The following DLG2 variants were observed in gnomAD, a reference collection of about 807,000 sequenced individuals.
The protein encoded by DLG2 is disks large homolog 2.
A neutral mutation model predicts 132.5 loss-of-function variants in DLG2; 45 were observed. The ratio of observed to expected loss-of-function variants is 0.34; its 90% CI spans 0.27 to 0.44. The LOEUF (loss-of-function observed/expected upper bound fraction) is 0.44, where lower values mean the gene tolerates loss of function less well. DLG2 is among the 20% of genes least tolerant of loss of function. DLG2 has a pLI of 1.00. For missense variants in DLG2, 1,045 were observed against 1,196.9 expected (o/e 0.87, Z 1.87); for synonymous variants, 424 against 419.6 (o/e 1.01, Z -0.13).
rs535520810 is a variant in DLG2, at chr11:84,948,580, T to A, written c.357+163081A>T. Among the ~76,000 whole-genome samples, 198 of 152,376 alleles carry A rather than the reference T, an allele frequency of 1.3e-3. 1 individual carries two copies. The highest frequency in any genetic ancestry group is 3.4e-3 in the Middle Eastern group (1 of 294). On this transcript the variant is annotated intron_variant, in intron 6 of 27. Transcript: ENST00000376104. ...TTTATGCAAATGCATGGATTTTCCC[T>A]GAAGAACAGCACATTTTATCATACA... is the stretch of plus-strand genomic sequence containing the variant.
chr11:84,542,898 C>G (rs2099379985), intron 6 of DLG2, among the ~76,000 whole-genome samples: 1 of 131,330 alleles, frequency 7.6e-6, no homozygotes, highest in Admixed American at 7.5e-5. Flanking sequence ...TGTTTAAACA[C>G]TTTGACATTT....
At chr11:84,122,559 C>A (rs554687943) in intron 9 of DLG2, among the ~76,000 whole-genome samples, 26 of 141,344 alleles carry the variant, frequency 1.8e-4, no homozygotes, top group African/African-American at 6.1e-4. Context: ...TACTTTTGAA[C>A]TTCCATGCTC....
At chr11:84,999,644 T>C (rs1029127990) in intron 6 of DLG2, among the ~76,000 whole-genome samples, 7 of 152,176 alleles carry the variant, frequency 4.6e-5, no homozygotes, top group African/African-American at 1.7e-4. Context: ...TTTGTGGTTT[T>C]TAAAAGCTTC....
intron 7 of DLG2, among the ~76,000 whole-genome samples, chr11:84,386,848 G>C (rs113822346): frequency 0.012 from 1,876 of 152,040 alleles, 23 homozygotes; most frequent in Non-Finnish European, 0.018. Context: ...TGCTTTGTAG[G>C]CCTGAAAAAT....
intron 6 of DLG2, among the ~76,000 whole-genome samples, chr11:84,970,452 G>T (rs571815818): frequency 6.6e-6 from 1 of 152,120 alleles, no homozygotes; most frequent in Non-Finnish European, 1.5e-5. Context: ...CATAAACCGC[G>T]TTGCTTATAA....
intron 11 of DLG2, among the ~76,000 whole-genome samples, chr11:84,052,349 C>T (rs923079708): frequency 3.3e-5 from 5 of 151,664 alleles, no homozygotes; most frequent in Admixed American, 2.6e-4. Context: ...TATCTGGAAT[C>T]GCTAAATATT....
intron 7 of DLG2, among the ~76,000 whole-genome samples, chr11:84,502,374 CTTTCTTTCTTTCT>C (rs2099220798): frequency 1.2e-5 from 1 of 83,914 alleles, no homozygotes; most frequent in Non-Finnish European, 2.2e-5. Context: ...TTCTTTCTTT[CTTTCTTTCTTTCT>C]TTCTTTCTTT....
chr11:84,502,304 T>TTCTTTCTTTCTTTCTTTCTTTC (rs2099217057), intron 7 of DLG2, among the ~76,000 whole-genome samples: 1 of 3,038 alleles, frequency 3.3e-4, no homozygotes, highest in Non-Finnish European at 5.8e-4. Flanking sequence ...CTTTCTTTCT[T>TTCTTTCTTTCTTTCTTTCTTTC]TCTTTCTTTC....
chr11:84,554,590 T>A (rs1295063123), intron 6 of DLG2, among the ~76,000 whole-genome samples: 1 of 151,988 alleles, frequency 6.6e-6, no homozygotes, highest in Non-Finnish European at 1.5e-5. Flanking sequence ...CTTCTAAATA[T>A]ACAAAATTAG....
chr11:85,185,165 C>T (rs2080001297), intron 4 of DLG2, among the ~76,000 whole-genome samples: 1 of 151,912 alleles, frequency 6.6e-6, no homozygotes, highest in South Asian at 2.1e-4. Flanking sequence ...CACCAAGATG[C>T]AGTTTGGTTT....
intron 3 of DLG2, among the ~76,000 whole-genome samples, chr11:85,424,198 G>A (rs72951973): frequency 0.05 from 7,616 of 152,194 alleles, 260 homozygotes; most frequent in East Asian, 0.095. Flanking sequence ...CTAGCTGGGG[G>A]GTGTGTTCAA....
intron 3 of DLG2, among the ~76,000 whole-genome samples, chr11:85,304,157 C>T (rs2079789645): frequency 6.6e-6 from 1 of 152,132 alleles, no homozygotes; most frequent in Non-Finnish European, 1.5e-5. Context: ...ATCTGTGGAA[C>T]CCTACATTTT....
chr11:83,878,383 A>G (rs17146308), intron 15 of DLG2, among the ~76,000 whole-genome samples: 32,394 of 152,074 alleles, frequency 0.21, 3,623 homozygotes, highest in East Asian at 0.37. Flanking sequence ...ATCAAGAACT[A>G]GGTTTCATCC....
intron 12 of DLG2, among the ~76,000 whole-genome samples, chr11:83,975,463 A>G (rs1417424766): frequency 6.6e-6 from 1 of 152,070 alleles, no homozygotes; most frequent in Admixed American, 6.6e-5. Context: ...GTGACCCATT[A>G]AACATCAGAG....
At chr11:84,246,209 A>C (rs1351617235) in intron 8 of DLG2, among the ~76,000 whole-genome samples, 1 of 152,218 alleles carries the variant, frequency 6.6e-6, no homozygotes, top group East Asian at 1.9e-4. Context: ...TTAAATGGAG[A>C]ATTCCAGAAA....
intron 22 of DLG2, among the ~76,000 whole-genome samples, chr11:83,474,480 AC>A (rs1298278384): frequency 6.6e-6 from 1 of 152,158 alleles, no homozygotes; most frequent in Non-Finnish European, 1.5e-5. Context: ...GCAATTTTAG[AC>A]TATAACTTTA....
chr11:84,502,362 CTTTCTTTCTTTCTTTCTTTCTTTCTTTCT>C (rs2099220019), intron 7 of DLG2, among the ~76,000 whole-genome samples: 3 of 71,220 alleles, frequency 4.2e-5, no homozygotes, highest in Non-Finnish European at 7.6e-5. Flanking sequence ...TTCTTTCTTT[CTTTCTTTCTTTCTTTCTTTCTTTCTTTCT>C]TTCTTTCTTT....
intron 21 of DLG2, among the ~76,000 whole-genome samples, chr11:83,499,852 G>GACATATATAT (rs2094358910): frequency 1.6e-5 from 1 of 61,624 alleles, no homozygotes; most frequent in Non-Finnish European, 3.3e-5. Flanking sequence ...ACTAATAGGA[G>GACATATATAT]ATATATATAT....
At chr11:84,464,372 T>A (rs1206981966) in intron 7 of DLG2, among the ~76,000 whole-genome samples, 23 of 151,188 alleles carry the variant, frequency 1.5e-4, no homozygotes, top group Non-Finnish European at 7.4e-5. Flanking sequence ...CTCAGTGTGG[T>A]GGTTTGCCAG....
Sources: gnomAD v4.1 joint callset for allele counts (sites outside exome capture counted in the v4.1 genomes callset) on GRCh38, gnomAD v4.1.1 for gene constraint, MANE v1.5 for transcripts, NCBI Gene and HGNC (gene_info 2026-07-23, HGNC 2026-07-21) for gene names.